The following ATG7 variants were observed in gnomAD, a reference collection of about 807,000 sequenced individuals.
ATG7 encodes autophagy related 7, also known as ubiquitin-like modifier-activating enzyme ATG7.
A neutral mutation model predicts 82.4 loss-of-function variants in ATG7; 70 were observed. The observed-to-expected ratio is 0.85, with a 90% confidence interval of 0.70 to 1.04. The LOEUF is 1.04. Ranked by LOEUF, ATG7 falls within the 50% of genes least tolerant of loss-of-function variation. The pLI is 0.00. For missense variants in ATG7, 792 were observed against 864.3 expected (o/e 0.92, Z 1.05); for synonymous variants, 287 against 313.0 (o/e 0.92, Z 0.88).
At position 11,459,518 on chromosome 3, in the gene ATG7, T is replaced by C. The variant is rs533427833; in HGVS notation, c.2079+32592T>C. ...CAAGTGTTTTTTTTTTTTTAAGTGA[T>C]TATGTTAGGAAACTTAAACTCTGAG... On this transcript the variant is annotated intron_variant, in intron 20 of 20. Coordinates refer to ENST00000693202, the MANE Select transcript of ATG7 (RefSeq NM_001349232.2). Among the ~76,000 whole-genome samples, 5 of 152,024 alleles carry C rather than the reference T, an allele frequency of 3.3e-5. No individual in the cohort carries two copies. The South Asian group carries it at 1.0e-3, about 32-fold the overall frequency.
rs550827437 is a variant in ATG7, at chr3:11,523,000, C to A, written c.2080-31811C>A. ...CATCTGTAAAATGGACACAATGATA[C>A]CTTTTAGGGCTTTTCAGAGGTGCCG... On this transcript the variant is annotated intron_variant, in intron 20 of 20. Coordinates refer to ENST00000693202, the MANE Select transcript of ATG7 (RefSeq NM_001349232.2). Among the ~76,000 whole-genome samples, 12 of 152,228 alleles carry A rather than the reference C, an allele frequency of 7.9e-5. No homozygotes were observed. In the South Asian group the frequency reaches 2.5e-3, roughly 32 times the overall value.
At chr3:11,310,617 G>C (rs1007803831) in intron 7 of ATG7, among the ~76,000 whole-genome samples, 1 of 151,218 alleles carries the variant, frequency 6.6e-6, no homozygotes, top group Non-Finnish European at 1.5e-5. Flanking sequence ...CTGTCTATAC[G>C]TTTGGGTAAT....
chr3:11,428,221 A>G (rs915284772), intron 20 of ATG7, among the ~76,000 whole-genome samples: 5 of 152,242 alleles, frequency 3.3e-5, no homozygotes, highest in African/African-American at 1.2e-4. Flanking sequence ...CATAGGTTGC[A>G]TATCCTCACC....
intron 19 of ATG7, among the ~76,000 whole-genome samples, chr3:11,422,158 C>G (rs988520644): frequency 2.0e-5 from 3 of 152,184 alleles, no homozygotes; most frequent in Non-Finnish European, 4.4e-5. Flanking sequence ...TTGGTCTTGA[C>G]CAAGGGAGTC....
chr3:11,408,919 C>G (rs1307903764), intron 19 of ATG7, among the ~76,000 whole-genome samples: 1 of 152,136 alleles, frequency 6.6e-6, no homozygotes, highest in Non-Finnish European at 1.5e-5. Context: ...GCCAGAGCAT[C>G]TTTTCATATG....
chr3:11,335,778 A>G (rs890656585), intron 11 of ATG7, among the ~76,000 whole-genome samples: 5 of 151,530 alleles, frequency 3.3e-5, no homozygotes, highest in African/African-American at 1.2e-4. Context: ...GCTCACTGCA[A>G]CCTCCGCCTC....
rs199871405 is a variant in ATG7, at chr3:11,342,229, C to G, written c.1075C>G (p.Leu359Val). 1 of 1,613,620 alleles carries G rather than the reference C, an allele frequency of 6.2e-7. No homozygotes were observed. The highest frequency in any genetic ancestry group is 2.2e-5 in the East Asian group (1 of 44,830). Residue 359 changes from leucine (L) to valine (V), a missense_variant, in exon 13 of 21, where the codon CTG (leucine) becomes GTG (valine). By Grantham distance (32) the Leu-to-Val change is conservative. Coordinates refer to ENST00000693202, the MANE Select transcript of ATG7 (RefSeq NM_001349232.2). The stretch of plus-strand genomic sequence containing the variant: ...GGACAAGGTTGTGTCTGTCAAATGT[C>G]TGCTGCTTGGAGCCGGCACCTTGGG... ...DLDKVVSVKC[L>V]LLGAGTLGCN... is the part of the protein sequence containing the mutation.
chr3:11,291,614 A>C (rs1348051784), intron 3 of ATG7, among the ~76,000 whole-genome samples: 1 of 152,214 alleles, frequency 6.6e-6, no homozygotes, highest in Non-Finnish European at 1.5e-5. Context: ...TGCTTGGTAC[A>C]GAATGAGCAT....
rs1285395704 is a variant in ATG7 at position 11,305,015 on chromosome 3, A to G, written c.216-1928A>G. ...AATTACTCTCCATCCCCCCTCCTCCATACTCACCAGCCCTAGCCAACCATA... is the reference window on the plus strand; with the variant it reads ...AATTACTCTCCATCCCCCCTCCTCCGTACTCACCAGCCCTAGCCAACCATA... On this transcript the variant is annotated intron_variant, in intron 5 of 20. Transcript: ENST00000693202. Among the ~76,000 whole-genome samples, 3 of 152,186 alleles carry G rather than the reference A, an allele frequency of 2.0e-5. No homozygotes were observed. In the East Asian group the frequency reaches 5.8e-4, roughly 29 times the overall value.
chr3:11,453,317 T>G (rs2085379186), intron 20 of ATG7, among the ~76,000 whole-genome samples: 1 of 152,186 alleles, frequency 6.6e-6, no homozygotes, highest in Non-Finnish European at 1.5e-5. Context: ...CCAAGTAGTT[T>G]CAGAGTAATT....
intron 20 of ATG7, among the ~76,000 whole-genome samples, chr3:11,539,289 A>G (rs2125015997): frequency 6.6e-6 from 1 of 152,324 alleles, no homozygotes; most frequent in East Asian, 1.9e-4. Flanking sequence ...AGAGGCACAA[A>G]GAGATTAAAT....
rs188659825 is a variant in ATG7, at chr3:11,552,040, C to G, written c.2080-2771C>G. On this transcript the variant is annotated intron_variant, in intron 20 of 20. Transcript: ENST00000693202. ...CTGGGATTACAGGCGTGCGCCACCA[C>G]GCCCGGCCTCTTTCATTCTGTTTTG... Among the ~76,000 whole-genome samples, 9 of 152,382 alleles carry G rather than the reference C, an allele frequency of 5.9e-5. No homozygotes were observed. The South Asian group carries it at 1.9e-3, about 32-fold the overall frequency.
intron 20 of ATG7, among the ~76,000 whole-genome samples, chr3:11,509,181 G>A (rs759721054): frequency 6.6e-6 from 1 of 152,006 alleles, no homozygotes; most frequent in African/African-American, 2.4e-5. Context: ...CAATTATGAC[G>A]CAGCGCCACA....
chr3:11,307,373 G>C (rs1947922850), intron 6 of ATG7, among the ~76,000 whole-genome samples: 1 of 152,222 alleles, frequency 6.6e-6, no homozygotes, highest in Non-Finnish European at 1.5e-5. Context: ...ACCTCTGAGA[G>C]TTGTGTTCCT....
chr3:11,544,726 A>G (rs979359469), intron 20 of ATG7, among the ~76,000 whole-genome samples: 2 of 152,242 alleles, frequency 1.3e-5, no homozygotes, highest in Non-Finnish European at 2.9e-5. Context: ...TGTGTGTCTC[A>G]GGTATTATGG....
intron 20 of ATG7, among the ~76,000 whole-genome samples, chr3:11,472,652 G>T (rs1356245196): frequency 2.6e-5 from 4 of 152,154 alleles, no homozygotes; most frequent in African/African-American, 7.2e-5. Flanking sequence ...TAATACGTCT[G>T]TTATTTCCTA....
chr3:11,502,293 A>G (rs538990933), intron 20 of ATG7, among the ~76,000 whole-genome samples: 96 of 150,762 alleles, frequency 6.4e-4, no homozygotes, highest in Non-Finnish European at 1.1e-3. Flanking sequence ...TTACATACGT[A>G]TACATGTGCC....
intron 19 of ATG7, among the ~76,000 whole-genome samples, chr3:11,396,711 G>A (rs2079311096): frequency 1.3e-5 from 2 of 150,994 alleles, no homozygotes; most frequent in Non-Finnish European, 2.9e-5. Context: ...GAACCTGAGA[G>A]GTGAAAGTTG....
At chr3:11,505,013 A>C (rs1384343072) in intron 20 of ATG7, among the ~76,000 whole-genome samples, 1 of 152,216 alleles carries the variant, frequency 6.6e-6, no homozygotes, top group Non-Finnish European at 1.5e-5. Context: ...AAGATCGAGA[A>C]GTCAAGAGGT....
Sources: gnomAD v4.1 joint callset for allele counts (sites outside exome capture counted in the v4.1 genomes callset) on GRCh38, gnomAD v4.1.1 for gene constraint, MANE v1.5 for transcripts, NCBI Gene and HGNC (gene_info 2026-07-23, HGNC 2026-07-21) for gene names.